PCDHA9: variants seen among roughly 807,000 people sequenced by gnomAD.
PCDHA9 encodes the protein protocadherin alpha-9.
A neutral mutation model predicts 62.0 loss-of-function variants in PCDHA9; 62 were observed. The ratio of observed to expected loss-of-function variants is 1.00; its 90% CI spans 0.81 to 1.23. The LOEUF is 1.23. Among genes scored for constraint, PCDHA9 ranks in the 50% most tolerant of loss-of-function variants. The probability of loss-of-function intolerance (pLI) is 0.00; values close to 1 mark genes in which losing one functional copy is unlikely to be tolerated. For missense variants in PCDHA9, 1,205 were observed against 1,249.8 expected (o/e 0.96, Z 0.54); for synonymous variants, 557 against 567.6 (o/e 0.98, Z 0.27).
chr5:140,933,032 G>A (rs1425582468), intron 1 of PCDHA9, among the ~76,000 whole-genome samples: 1 of 152,016 alleles, frequency 6.6e-6, no homozygotes, highest in Non-Finnish European at 1.5e-5. Flanking sequence ...AGAACTTCAA[G>A]TGAATATGGA....
At chr5:140,877,525 G>A (rs1562735759) in intron 1 of PCDHA9, 7 of 1,613,804 alleles carry the variant, frequency 4.3e-6, no homozygotes, top group Non-Finnish European at 5.9e-6. Flanking sequence ...GGCCTCAGTG[G>A]GCGCTGTGGA....
chr5:140,933,865 A>G (rs918877939), intron 1 of PCDHA9, among the ~76,000 whole-genome samples: 14 of 151,864 alleles, frequency 9.2e-5, no homozygotes, highest in African/African-American at 1.4e-4. Flanking sequence ...TTTTTCAGAT[A>G]TATGTTAGTT....
At chr5:140,918,640 G>C (rs2078789038) in intron 1 of PCDHA9, among the ~76,000 whole-genome samples, 1 of 152,132 alleles carries the variant, frequency 6.6e-6, no homozygotes, top group Admixed American at 6.5e-5. Flanking sequence ...TTCATAAATT[G>C]AAACCTAATT....
chr5:140,862,447 G>C, intron 1 of PCDHA9: 1 of 362,296 alleles, frequency 2.8e-6, no homozygotes, highest in Non-Finnish European at 5.5e-6. Flanking sequence ...GTACTCCACA[G>C]CGCCCTGGAC....
chr5:140,869,204 C>G (rs199956165), intron 1 of PCDHA9: 29 of 1,613,960 alleles, frequency 1.8e-5, no homozygotes, highest in Non-Finnish European at 2.4e-5. Flanking sequence ...CTCCACTACT[C>G]CGTCTCGGAG....
rs2051668710 is a variant in PCDHA9, at chr5:140,870,104, CA to C, written c.2394+19216del. The C allele has an allele frequency of 1.9e-6, 3 of 1,613,930 alleles. No individual in the cohort carries two copies. In the East Asian group the frequency reaches 6.7e-5, roughly 36 times the overall value. On this transcript the variant is annotated intron_variant, in intron 1 of 3. Coordinates refer to ENST00000532602, the MANE Select transcript of PCDHA9 (RefSeq NM_031857.2). ...ACTCCCCCAATGGCAGGTCACTGTACAGTCTGGGTGGAAATCTTGGACACCA... is the reference window on the plus strand; with the variant it reads ...ACTCCCCCAATGGCAGGTCACTGTACGTCTGGGTGGAAATCTTGGACACCA...
intron 1 of PCDHA9, among the ~76,000 whole-genome samples, chr5:140,912,895 A>G (rs781884731): frequency 4.6e-5 from 7 of 152,212 alleles, no homozygotes; most frequent in Non-Finnish European, 1.0e-4. Context: ...TGTTGATATG[A>G]TGTATCATAT....
chr5:140,969,148 G>T, intron 1 of PCDHA9: 1 of 1,614,102 alleles, frequency 6.2e-7, no homozygotes. Flanking sequence ...ACTGCTACAA[G>T]GCCTGTCTGA....
chr5:140,980,441 A>G (rs1454168972), intron 2 of PCDHA9, among the ~76,000 whole-genome samples: 7 of 152,124 alleles, frequency 4.6e-5, no homozygotes, highest in African/African-American at 1.7e-4. Context: ...ACCATCCTGG[A>G]CAACACGGTG....
At chr5:140,867,584 T>G (rs1386448666) in intron 1 of PCDHA9, 4 of 152,130 alleles carry the variant, frequency 2.6e-5, no homozygotes, top group Non-Finnish European at 5.9e-5. Context: ...CTTGCAGTAT[T>G]TTTAGATTGG....
At chr5:140,990,736 C>G (rs181451094) in intron 3 of PCDHA9, among the ~76,000 whole-genome samples, 22 of 152,218 alleles carry the variant, frequency 1.4e-4, no homozygotes, top group African/African-American at 5.3e-4. Flanking sequence ...TATCAACAGC[C>G]CTAGGGTGGA....
chr5:140,909,070 C>T (rs2074299054), intron 1 of PCDHA9, among the ~76,000 whole-genome samples: 1 of 152,146 alleles, frequency 6.6e-6, no homozygotes, highest in Non-Finnish European at 1.5e-5. Flanking sequence ...CACCAATAAG[C>T]CCAGTGTGTT....
In PCDHA9 at chr5:141,002,220, G is replaced by GC. The variant is rs1319895049; in HGVS notation, c.2543-7407_2543-7406insC. ...AGTCCCCGGCTTTAATCAAAATGAT[G>GC]GGTTTTCTGGAAGCTCTTTATTAAC... On this transcript the variant is annotated intron_variant, in intron 3 of 3. Coordinates refer to ENST00000532602, the MANE Select transcript of PCDHA9 (RefSeq NM_031857.2). Among the ~76,000 whole-genome samples, 33 of 152,196 alleles carry GC rather than the reference G, an allele frequency of 2.2e-4. 1 individual carries two copies. Among genetic ancestry groups the GC allele is most frequent in the Admixed American group, 1.0e-3 (16 of 15,274 alleles).
At chr5:141,006,299 C>T (rs2098266808) in intron 3 of PCDHA9, among the ~76,000 whole-genome samples, 1 of 152,064 alleles carries the variant, frequency 6.6e-6, no homozygotes, top group Non-Finnish European at 1.5e-5. Flanking sequence ...GCAAGCTCCA[C>T]TTCCCGGGTT....
intron 1 of PCDHA9, among the ~76,000 whole-genome samples, chr5:140,944,319 C>T (rs1386940921): frequency 6.6e-6 from 1 of 152,104 alleles, no homozygotes. Context: ...TCCTGAGTAG[C>T]TGGGATTACA....
At chr5:140,877,627 A>C (rs782765998) in intron 1 of PCDHA9, 1 of 1,613,614 alleles carries the variant, frequency 6.2e-7, no homozygotes, top group East Asian at 2.2e-5. Context: ...GCTGCTGTAC[A>C]CTGCGCTGCG....
At chr5:140,969,923 A>G (rs1270842223) in intron 1 of PCDHA9, among the ~76,000 whole-genome samples, 3 of 152,234 alleles carry the variant, frequency 2.0e-5, no homozygotes, top group Non-Finnish European at 4.4e-5. Flanking sequence ...AAGCTGTAGT[A>G]TTTAGACATC....
intron 1 of PCDHA9, among the ~76,000 whole-genome samples, chr5:140,946,757 C>T (rs1179265601): frequency 6.6e-6 from 1 of 151,268 alleles, no homozygotes; most frequent in Non-Finnish European, 1.5e-5. Context: ...ACTGCATGAT[C>T]TCATTCATGT....
chr5:140,884,766 T>G, intron 1 of PCDHA9: 1 of 1,416,492 alleles, frequency 7.1e-7, no homozygotes, highest in Non-Finnish European at 9.3e-7. Context: ...TTCTTTACTT[T>G]AATTTTAATT....
Sources: allele counts gnomAD v4.1 joint callset (sites outside exome capture counted in the v4.1 genomes callset), GRCh38; gene constraint gnomAD v4.1.1; transcripts MANE v1.5; gene names NCBI Gene and HGNC (gene_info 2026-07-23, HGNC 2026-07-21).